BACH2: variants seen among roughly 807,000 people sequenced by gnomAD.
The protein encoded by BACH2 is transcription regulator protein BACH2.
BACH2 carries 5 observed loss-of-function variants against 61.8 expected under a neutral mutation model. The observed-to-expected ratio is 0.08, with a 90% confidence interval of 0.04 to 0.17. The LOEUF is 0.17. Ranked by LOEUF, BACH2 falls within the 10% of genes least tolerant of loss-of-function variation. The pLI is 1.00. For synonymous variants in BACH2, 446 were observed against 440.1 expected (o/e 1.01, Z -0.17); for missense variants, 824 against 1,091.1 (o/e 0.76, Z 3.45).
intron 5 of BACH2, among the ~76,000 whole-genome samples, chr6:90,016,722 A>T (rs1778085043): frequency 6.6e-6 from 1 of 152,194 alleles, no homozygotes; most frequent in Admixed American, 6.5e-5. Flanking sequence ...CTAGTGATAA[A>T]TTATTTCAAC....
intron 4 of BACH2, among the ~76,000 whole-genome samples, chr6:90,157,312 AAAGAG>A (rs1785028252): frequency 2.0e-5 from 3 of 152,252 alleles, no homozygotes. Flanking sequence ...AGAAATGAGA[AAAGAG>A]AAAACAATTA....
chr6:90,162,006 T>C (rs766515775), intron 4 of BACH2, among the ~76,000 whole-genome samples: 2 of 152,144 alleles, frequency 1.3e-5, no homozygotes, highest in Non-Finnish European at 2.9e-5. Context: ...CAGGAGTTCC[T>C]CAGAGAAGCT....
At chr6:90,290,101 A>G (rs1014997737) in intron 1 of BACH2, among the ~76,000 whole-genome samples, 5 of 152,222 alleles carry the variant, frequency 3.3e-5, no homozygotes, top group African/African-American at 1.2e-4. Flanking sequence ...CAGAGGTTCC[A>G]GCATGGCTTA....
At chr6:90,059,017 A>G (rs1323415462) in intron 5 of BACH2, among the ~76,000 whole-genome samples, 1 of 152,232 alleles carries the variant, frequency 6.6e-6, no homozygotes, top group Non-Finnish European at 1.5e-5. Flanking sequence ...AAACCATAAA[A>G]ACCCTAGAAG....
intron 1 of BACH2, among the ~76,000 whole-genome samples, chr6:90,273,577 T>C (rs1771596816): frequency 6.6e-6 from 1 of 152,174 alleles, no homozygotes; most frequent in Non-Finnish European, 1.5e-5. Context: ...TTCCATCATT[T>C]GGCTTATACA....
chr6:90,177,996 CG>C, intron 4 of BACH2, among the ~76,000 whole-genome samples: 1 of 152,222 alleles, frequency 6.6e-6, no homozygotes, highest in South Asian at 2.1e-4. Context: ...AGCAGGTACC[CG>C]GACTTTCCCT....
intron 3 of BACH2, among the ~76,000 whole-genome samples, chr6:90,238,269 C>G (rs1476837745): frequency 6.6e-6 from 1 of 152,146 alleles, no homozygotes; most frequent in East Asian, 1.9e-4. Context: ...AATGAACTCC[C>G]TGAAACTCTT....
At chr6:90,195,476 C>T (rs1768726218) in intron 4 of BACH2, among the ~76,000 whole-genome samples, 1 of 152,126 alleles carries the variant, frequency 6.6e-6, no homozygotes, top group Non-Finnish European at 1.5e-5. Flanking sequence ...TTTTCCTGTT[C>T]CTCTGGAGAT....
intron 5 of BACH2, among the ~76,000 whole-genome samples, chr6:90,032,748 C>T (rs1779060437): frequency 6.6e-6 from 1 of 152,196 alleles, no homozygotes; most frequent in African/African-American, 2.4e-5. Flanking sequence ...AACACTTTTA[C>T]ACTGTTGGTG....
intron 4 of BACH2, among the ~76,000 whole-genome samples, chr6:90,147,008 T>C (rs1399812643): frequency 6.6e-6 from 1 of 152,174 alleles, no homozygotes; most frequent in African/African-American, 2.4e-5. Flanking sequence ...CTACTGCTAC[T>C]TAAATAAAAA....
Position 90,012,906 on chromosome 6 carries a change from G to T in BACH2, c.-12-4050C>A, listed in dbSNP as rs775250450. Among the ~76,000 whole-genome samples, 12 of 152,002 alleles carry T rather than the reference G, an allele frequency of 7.9e-5. No homozygotes were observed. The Middle Eastern group carries it at 0.01, about 129-fold the overall frequency. ...GGTCTCGAACTCTTGGTCTCTCCTCGGCCTCCCAAAGTGCTGGGATTACAG... is the reference window on the plus strand; with the variant it reads ...GGTCTCGAACTCTTGGTCTCTCCTCTGCCTCCCAAAGTGCTGGGATTACAG... On this transcript the variant is annotated intron_variant, in intron 5 of 8. Coordinates refer to ENST00000257749, the MANE Select transcript of BACH2 (RefSeq NM_021813.4).
chr6:90,296,241 G>A (rs916884614), intron 1 of BACH2, among the ~76,000 whole-genome samples: 38 of 151,982 alleles, frequency 2.5e-4, no homozygotes, highest in Non-Finnish European at 1.9e-4. Flanking sequence ...CCGGGAGGGA[G>A]AGCACACATT....
At chr6:90,093,011 G>T (rs1295026237) in intron 4 of BACH2, among the ~76,000 whole-genome samples, 1 of 152,176 alleles carries the variant, frequency 6.6e-6, no homozygotes, top group African/African-American at 2.4e-5. Flanking sequence ...CCAACTCCCA[G>T]AGATGAGACA....
rs6926007 is a variant in BACH2, at chr6:89,990,830, A to C, written c.243+17772T>G. On this transcript the variant is annotated intron_variant, in intron 6 of 8. Coordinates refer to ENST00000257749, the MANE Select transcript of BACH2 (RefSeq NM_021813.4). ...GTCTGTCATCCCTAATTGGGATATA[A>C]GCTCTGTGAAAGCTCAGAGTTTTGC... Among the ~76,000 whole-genome samples, 5 of 152,142 alleles carry C rather than the reference A, an allele frequency of 3.3e-5. 1 individual carries two copies. The highest frequency in any genetic ancestry group is 1.2e-4 in the African/African-American group (5 of 41,478).
At chr6:90,268,608 T>C (rs1771422599) in intron 2 of BACH2, among the ~76,000 whole-genome samples, 1 of 152,184 alleles carries the variant, frequency 6.6e-6, no homozygotes, top group South Asian at 2.1e-4. Flanking sequence ...TTAAATTTCA[T>C]TTTTCTAGTA....
chr6:89,995,376 T>C (rs1776788414), intron 6 of BACH2, among the ~76,000 whole-genome samples: 1 of 152,136 alleles, frequency 6.6e-6, no homozygotes, highest in Admixed American at 6.6e-5. Context: ...TCATACCGAC[T>C]ACGCCAGTGG....
At chr6:90,296,224 T>C (rs1582578786) in intron 1 of BACH2, among the ~76,000 whole-genome samples, 1 of 151,950 alleles carries the variant, frequency 6.6e-6, no homozygotes, top group Non-Finnish European at 1.5e-5. Context: ...TCGGCCGCCG[T>C]AAACAGCCGG....
intron 5 of BACH2, among the ~76,000 whole-genome samples, chr6:90,081,888 G>A (rs1057414859): frequency 2.6e-5 from 4 of 152,014 alleles, no homozygotes; most frequent in African/African-American, 4.8e-5. Flanking sequence ...CAAGTGTTAG[G>A]ATTCATCCTA....
At chr6:90,168,111 T>A (rs1767691462) in intron 4 of BACH2, among the ~76,000 whole-genome samples, 1 of 152,162 alleles carries the variant, frequency 6.6e-6, no homozygotes, top group Admixed American at 6.5e-5. Context: ...GTAATCTCAG[T>A]ACTTTGGGAG....
Sources: allele counts gnomAD v4.1 joint callset (sites outside exome capture counted in the v4.1 genomes callset), GRCh38; gene constraint gnomAD v4.1.1; transcripts MANE v1.5; gene names NCBI Gene and HGNC (gene_info 2026-07-23, HGNC 2026-07-21).